WIPF3: variants seen among roughly 807,000 people sequenced by gnomAD.
The protein encoded by WIPF3 is WAS/WASL interacting protein family member 3, also known as WAS/WASL-interacting protein family member 3.
WIPF3 carries 33 observed loss-of-function variants against 38.9 expected under a neutral mutation model. The ratio of observed to expected loss-of-function variants is 0.85; its 90% CI spans 0.64 to 1.14. WIPF3 has a LOEUF of 1.14. Ranked by LOEUF, WIPF3 falls within the 50% of genes most tolerant of loss-of-function variation. The pLI is 0.00. For synonymous variants in WIPF3, 324 were observed against 269.3 expected, an observed-to-expected ratio of 1.20 and a Z score of -1.99; for missense variants, 711 against 652.5, an observed-to-expected ratio of 1.09 and a Z score of -0.98.
intron 7 of WIPF3, among the ~76,000 whole-genome samples, chr7:29,898,582 G>A (rs991712568): frequency 6.6e-6 from 1 of 152,086 alleles, no homozygotes; most frequent in Admixed American, 6.6e-5. Flanking sequence ...TAAGACCTAC[G>A]TGAACTTCCT....
intron 1 of WIPF3, among the ~76,000 whole-genome samples, chr7:29,807,347 A>G (rs1784298847): frequency 6.6e-6 from 1 of 152,128 alleles, no homozygotes; most frequent in Non-Finnish European, 1.5e-5. Flanking sequence ...AGCAATGTAC[A>G]TTTGGCCACA....
intron 2 of WIPF3, among the ~76,000 whole-genome samples, chr7:29,838,903 A>G (rs1444068439): frequency 2.0e-5 from 3 of 152,244 alleles, no homozygotes; most frequent in Non-Finnish European, 4.4e-5. Flanking sequence ...AATCAACAAT[A>G]CATGCAACAA....
chr7:29,806,986 TCTC>T (rs1784291666), intron 1 of WIPF3, among the ~76,000 whole-genome samples: 1 of 151,620 alleles, frequency 6.6e-6, no homozygotes, highest in Non-Finnish European at 1.5e-5. Flanking sequence ...CTTGGTGACT[TCTC>T]CGGACTGGAC....
At chr7:29,902,853 G>A (rs1454328957) in intron 7 of WIPF3, among the ~76,000 whole-genome samples, 4 of 119,150 alleles carry the variant, frequency 3.4e-5, no homozygotes, top group African/African-American at 2.6e-5. Context: ...AAACAAAAAA[G>A]AGCGTGTTTT....
Position 29,839,549 on chromosome 7 carries a change from C to T in WIPF3, c.90+4735C>T, listed in dbSNP as rs1419257470. Among the ~76,000 whole-genome samples, 5 of 152,144 alleles carry T rather than the reference C, an allele frequency of 3.3e-5. No homozygotes were observed. The East Asian group carries it at 7.7e-4, about 23-fold the overall frequency. On this transcript the variant is annotated intron_variant, in intron 2 of 8. Coordinates refer to ENST00000242140, the MANE Select transcript of WIPF3 (RefSeq NM_001080529.3). ...AGAGCGTCACCCTGTGGTAATCTGC[C>T]CGGAATGAATGACCTCATGAGCAAG...
intron 1 of WIPF3, among the ~76,000 whole-genome samples, chr7:29,824,907 G>A (rs1784592685): frequency 6.6e-6 from 1 of 152,166 alleles, no homozygotes; most frequent in Non-Finnish European, 1.5e-5. Flanking sequence ...GGAACAGTAG[G>A]AATAAGGTTA....
intron 8 of WIPF3, among the ~76,000 whole-genome samples, chr7:29,913,183 C>T (rs568851106): frequency 1.5e-4 from 23 of 152,176 alleles, no homozygotes; most frequent in Non-Finnish European, 2.8e-4. Flanking sequence ...CCCATCTCTA[C>T]TAAAAATACA....
chr7:29,880,602 C>A lies in WIPF3; in HGVS notation c.355+1462C>A, dbSNP rs567763729. On this transcript the variant is annotated intron_variant, in intron 4 of 8. Coordinates refer to ENST00000242140, the MANE Select transcript of WIPF3 (RefSeq NM_001080529.3). Reference sequence around the variant, plus strand: ...CTTCATAGAAGATGGGAGAAATGGGCCCCAGTCAGGTTTTCATAGGAAGCA... The same window carrying A: ...CTTCATAGAAGATGGGAGAAATGGGACCCAGTCAGGTTTTCATAGGAAGCA... Among the ~76,000 whole-genome samples, 10 of 152,268 alleles carry A rather than the reference C, an allele frequency of 6.6e-5. No homozygotes were observed. The South Asian group carries it at 2.1e-3, about 32-fold the overall frequency.
intron 3 of WIPF3, among the ~76,000 whole-genome samples, chr7:29,876,992 T>C (rs377341143): frequency 6.6e-6 from 1 of 152,170 alleles, no homozygotes; most frequent in South Asian, 2.1e-4. Context: ...CAGAACTCTT[T>C]AGTACAGATC....
chr7:29,897,314 C>G (rs1786167021), intron 7 of WIPF3, among the ~76,000 whole-genome samples: 1 of 152,100 alleles, frequency 6.6e-6, no homozygotes, highest in Non-Finnish European at 1.5e-5. Flanking sequence ...TGTTCAAGTC[C>G]CTGCTTTCAA....
chr7:29,901,548 T>C (rs1264437281), intron 7 of WIPF3, among the ~76,000 whole-genome samples: 1 of 151,862 alleles, frequency 6.6e-6, no homozygotes, highest in East Asian at 1.9e-4. Flanking sequence ...CCCGACACTT[T>C]GGGAGGCTGA....
chr7:29,851,919 A>T (rs1415395414), intron 2 of WIPF3, among the ~76,000 whole-genome samples: 1 of 152,176 alleles, frequency 6.6e-6, no homozygotes, highest in Non-Finnish European at 1.5e-5. Flanking sequence ...GTTTCATTTA[A>T]AGTGTTGCTA....
chr7:29,831,771 A>G (rs1240357776), intron 1 of WIPF3, among the ~76,000 whole-genome samples: 1 of 152,120 alleles, frequency 6.6e-6, no homozygotes, highest in African/African-American at 2.4e-5. Flanking sequence ...TGCTACAGTC[A>G]ATGGGCGGGG....
chr7:29,853,188 C>T (rs1000281634), intron 2 of WIPF3, among the ~76,000 whole-genome samples: 1 of 152,142 alleles, frequency 6.6e-6, no homozygotes, highest in Non-Finnish European at 1.5e-5. Context: ...CTGTGTGGAG[C>T]CTGCCTCAAG....
At chr7:29,833,313 G>A (rs1210747846) in intron 1 of WIPF3, among the ~76,000 whole-genome samples, 1 of 152,230 alleles carries the variant, frequency 6.6e-6, no homozygotes, top group Non-Finnish European at 1.5e-5. Flanking sequence ...GAGTTAAAAT[G>A]ATAAATCTGA....
In WIPF3 at chr7:29,875,931, G is replaced by C; in HGVS notation, c.192G>C (p.Gln64His). The C allele has an allele frequency of 1.2e-6, 2 of 1,614,034 alleles. No homozygotes were observed. Among genetic ancestry groups the C allele is most frequent in the East Asian group, 2.2e-5 (1 of 44,884 alleles). Residue 64 changes from glutamine (Q) to histidine (H), a missense_variant, in exon 3 of 9, where the codon CAG (glutamine) becomes CAC (histidine). Gln to His is a conservative substitution (Grantham distance 24). Transcript: ENST00000242140. ...QQGTRLRKVT[Q>H]INDRSAPQIE... ...GAACTCGCCTGCGCAAAGTCACGCAGATCAACGACCGCAGTGCCCCGCAGA... is the reference window on the plus strand; with the variant it reads ...GAACTCGCCTGCGCAAAGTCACGCACATCAACGACCGCAGTGCCCCGCAGA...
chr7:29,852,523 C>G (rs1583603437), intron 2 of WIPF3, among the ~76,000 whole-genome samples: 1 of 152,222 alleles, frequency 6.6e-6, no homozygotes, highest in South Asian at 2.1e-4. Flanking sequence ...ACATATTATT[C>G]TTGCTTTAAC....
In WIPF3 at chr7:29,814,326, A is replaced by C. The variant is rs550025958; in HGVS notation, c.-58+7648A>C. 5.3e-5 allele frequency among the ~76,000 whole-genome samples: 8 copies of C among 152,330 alleles called. No individual in the cohort carries two copies. In the South Asian group the frequency reaches 1.5e-3, roughly 28 times the overall value. ...TCTACAAAAGTGCCTGGCACATAGTAACCTTCAGTAAGTGTTACAAGCTAT... is the reference window on the plus strand; with the variant it reads ...TCTACAAAAGTGCCTGGCACATAGTCACCTTCAGTAAGTGTTACAAGCTAT... On this transcript the variant is annotated intron_variant, in intron 1 of 8. Transcript: ENST00000242140.
chr7:29,810,638 A>G (rs1429447680), intron 1 of WIPF3, among the ~76,000 whole-genome samples: 1 of 152,232 alleles, frequency 6.6e-6, no homozygotes, highest in Non-Finnish European at 1.5e-5. Context: ...GAGATTTCCA[A>G]TAGTTATCTC....
Sources: gnomAD v4.1 joint callset for allele counts (sites outside exome capture counted in the v4.1 genomes callset) on GRCh38, gnomAD v4.1.1 for gene constraint, MANE v1.5 for transcripts, NCBI Gene and HGNC (gene_info 2026-07-23, HGNC 2026-07-21) for gene names.